ROBO2: variants seen among roughly 807,000 people sequenced by gnomAD.
ROBO2 encodes roundabout homolog 2.
ROBO2 carries 53 observed loss-of-function variants against 160.8 expected under a neutral mutation model. That is an observed-to-expected ratio of 0.33 (90% CI 0.26 to 0.41). The LOEUF (loss-of-function observed/expected upper bound fraction) is 0.41. Ranked by LOEUF, ROBO2 falls within the 10% of genes least tolerant of loss-of-function variation. ROBO2 has a pLI of 1.00. For missense variants in ROBO2, 1,577 were observed against 1,722.4 expected, an observed-to-expected ratio of 0.92 and a Z score of 1.49; for synonymous variants, 664 against 611.7, an observed-to-expected ratio of 1.09 and a Z score of -1.26.
At chr3:75,931,240 C>T (rs534044380) in intron 1 of ROBO2, among the ~76,000 whole-genome samples, 11 of 152,328 alleles carry the variant, frequency 7.2e-5, no homozygotes, top group East Asian at 1.9e-4. Context: ...TCTTAAAAGA[C>T]GAACCTTTCT....
intron 2 of ROBO2, among the ~76,000 whole-genome samples, chr3:76,511,160 G>T (rs746393914): frequency 1.3e-5 from 2 of 152,144 alleles, no homozygotes; most frequent in Non-Finnish European, 2.9e-5. Context: ...CCCTCTACAG[G>T]AATTAAGAAT....
intron 12 of ROBO2, among the ~76,000 whole-genome samples, chr3:77,566,917 G>C (rs1032054278): frequency 6.6e-6 from 1 of 151,830 alleles, no homozygotes; most frequent in Non-Finnish European, 1.5e-5. Flanking sequence ...TTTTTCAAAG[G>C]TATTAAATAA....
chr3:76,624,796 C>CAAAAAAAAAAAAAAAAAAAAAAAAAAAAA (rs57920315), intron 2 of ROBO2, among the ~76,000 whole-genome samples: 2 of 46,324 alleles, frequency 4.3e-5, no homozygotes, highest in African/African-American at 2.1e-4. Flanking sequence ...GACTCCGTCT[C>CAAAAAAAAAAAAAAAAAAAAAAAAAAAAA]AAAAAAAAAA....
chr3:77,570,240 T>C (rs547005872), intron 13 of ROBO2, among the ~76,000 whole-genome samples: 95 of 152,152 alleles, frequency 6.2e-4, no homozygotes, highest in African/African-American at 2.2e-3. Flanking sequence ...AGTCATTATG[T>C]TGATGAAGTT....
chr3:77,335,966 G>A (rs1329834234), intron 2 of ROBO2, among the ~76,000 whole-genome samples: 1 of 152,110 alleles, frequency 6.6e-6, no homozygotes, highest in African/African-American at 2.4e-5. Context: ...TCATAATGGA[G>A]GTATATGCAA....
chr3:76,287,531 C>CTCAGG (rs1212111645), intron 2 of ROBO2, among the ~76,000 whole-genome samples: 1 of 152,024 alleles, frequency 6.6e-6, no homozygotes, highest in Non-Finnish European at 1.5e-5. Context: ...AACTCCTGAC[C>CTCAGG]TCAGGTGATC....
chr3:77,647,655 C>A (rs2095421458), exon 26 of ROBO2: 1 of 152,088 alleles, frequency 6.6e-6, no homozygotes, highest in African/African-American at 2.4e-5. Context: ...AGAGGACCTT[C>A]CTGAAATTCC....
At chr3:77,380,410 T>C (rs531570297) in intron 2 of ROBO2, among the ~76,000 whole-genome samples, 4 of 152,136 alleles carry the variant, frequency 2.6e-5, no homozygotes, top group African/African-American at 9.6e-5. Context: ...AACTGAGAGA[T>C]TGAGAAAAAA....
At chr3:76,236,832 C>T (rs150775459) in intron 2 of ROBO2, among the ~76,000 whole-genome samples, 137 of 151,894 alleles carry the variant, frequency 9.0e-4, no homozygotes, top group African/African-American at 2.9e-3. Flanking sequence ...TACTAGATAA[C>T]GTAAGATCTG....
intron 2 of ROBO2, among the ~76,000 whole-genome samples, chr3:77,475,492 G>T (rs927161302): frequency 2.0e-5 from 3 of 152,112 alleles, no homozygotes; most frequent in African/African-American, 7.2e-5. Flanking sequence ...ATGGTATTAG[G>T]TACTACTTGT....
chr3:75,982,501 G>A (rs1336690278), intron 2 of ROBO2, among the ~76,000 whole-genome samples: 5 of 151,318 alleles, frequency 3.3e-5, no homozygotes, highest in Non-Finnish European at 3.0e-5. Context: ...TGTAGTTTTG[G>A]TTTGCATTTC....
At chr3:77,382,346 C>CTT (rs58518864) in intron 2 of ROBO2, among the ~76,000 whole-genome samples, 6,260 of 134,940 alleles carry the variant, frequency 0.046, 173 homozygotes, top group East Asian at 0.099. Context: ...AACACATGTC[C>CTT]TTTTTTTTTT....
intron 2 of ROBO2, among the ~76,000 whole-genome samples, chr3:76,689,338 T>C (rs2092750535): frequency 6.6e-6 from 1 of 152,040 alleles, no homozygotes; most frequent in South Asian, 2.1e-4. Context: ...ATCAGAGAAA[T>C]CACACAGTTA....
At chr3:76,392,480 A>G (rs1265369054) in intron 2 of ROBO2, among the ~76,000 whole-genome samples, 1 of 152,172 alleles carries the variant, frequency 6.6e-6, no homozygotes, top group Non-Finnish European at 1.5e-5. Context: ...GATATGCATG[A>G]TGCTTTCTTA....
intron 2 of ROBO2, among the ~76,000 whole-genome samples, chr3:76,872,364 C>T (rs948295907): frequency 6.6e-6 from 1 of 151,742 alleles, no homozygotes; most frequent in Admixed American, 6.6e-5. Context: ...ATAATGAAAC[C>T]ACAAATTATC....
At chr3:77,003,518 G>A (rs1356720407) in intron 2 of ROBO2, among the ~76,000 whole-genome samples, 1 of 152,050 alleles carries the variant, frequency 6.6e-6, no homozygotes, top group East Asian at 1.9e-4. Flanking sequence ...ACTCAGTTTA[G>A]ACTGACTGCA....
chr3:76,101,928 G>A (rs2069704549), intron 2 of ROBO2, among the ~76,000 whole-genome samples: 1 of 146,736 alleles, frequency 6.8e-6, no homozygotes, highest in Admixed American at 6.8e-5. Flanking sequence ...ACCCCAGGGT[G>A]TGATGTTCCC....
At chr3:77,166,704 G>A (rs1201985980) in intron 2 of ROBO2, among the ~76,000 whole-genome samples, 2 of 151,830 alleles carry the variant, frequency 1.3e-5, no homozygotes, top group East Asian at 1.9e-4. Flanking sequence ...GACTACAGGC[G>A]CCGCCACCAC....
At chr3:77,464,913 A>C (rs961214561) in intron 2 of ROBO2, among the ~76,000 whole-genome samples, 5 of 152,228 alleles carry the variant, frequency 3.3e-5, no homozygotes, top group Non-Finnish European at 7.3e-5. Flanking sequence ...AAATATGTCA[A>C]GGGCAGTATT....
Sources: allele counts gnomAD v4.1 joint callset (sites outside exome capture counted in the v4.1 genomes callset), GRCh38; gene constraint gnomAD v4.1.1; transcripts MANE v1.5; gene names NCBI Gene and HGNC (gene_info 2026-07-23, HGNC 2026-07-21).